The following UMAD1 variants were observed in gnomAD, a reference collection of about 807,000 sequenced individuals.
UMAD1 encodes the protein UBAP1-MVB12-associated (UMA)-domain containing protein 1.
Under a neutral mutation model 6.1 loss-of-function variants are expected in UMAD1, and 8 were observed. The observed-to-expected ratio is 1.30, with a 90% CI of 0.76 to 2.35. UMAD1 has a LOEUF of 2.35. Ranked by LOEUF, UMAD1 falls within the 30% of genes most tolerant of loss-of-function variation. The pLI, the probability that UMAD1 is intolerant of heterozygous loss-of-function variation, is 0.00. For synonymous variants in UMAD1, 56 were observed against 31.4 expected (o/e 1.78, Z -2.61); for missense variants, 130 against 78.4 (o/e 1.66, Z -2.49).
At chr7:7,659,922 T>G (rs900487919) in intron 1 of UMAD1, among the ~76,000 whole-genome samples, 13 of 152,196 alleles carry the variant, frequency 8.5e-5, no homozygotes, top group African/African-American at 3.1e-4. Flanking sequence ...CCCACTATTA[T>G]TGTGTTGGAG....
At chr7:7,779,814 T>G (rs1315569817) in intron 2 of UMAD1, among the ~76,000 whole-genome samples, 1 of 152,104 alleles carries the variant, frequency 6.6e-6, no homozygotes, top group African/African-American at 2.4e-5. Flanking sequence ...CTGGCTAATT[T>G]TTGTATTTTT....
At chr7:7,875,648 C>G (rs534136359) in intron 3 of UMAD1, among the ~76,000 whole-genome samples, 2 of 152,172 alleles carry the variant, frequency 1.3e-5, no homozygotes, top group Non-Finnish European at 2.9e-5. Context: ...AGGAAGAAGT[C>G]GAATCCCTGA....
intron 1 of UMAD1, among the ~76,000 whole-genome samples, chr7:7,653,659 G>T (rs28992776): frequency 6.6e-6 from 1 of 152,326 alleles, no homozygotes; most frequent in East Asian, 1.9e-4. Context: ...GAGTTCTCAG[G>T]TGAAGTCTGA....
At chr7:7,714,853 C>CTTTTTTTT (rs1029148023) in intron 2 of UMAD1, among the ~76,000 whole-genome samples, 4 of 111,162 alleles carry the variant, frequency 3.6e-5, no homozygotes, top group Admixed American at 9.0e-5. Flanking sequence ...AAAAATTTTT[C>CTTTTTTTT]TTTTTTTTTT....
At chr7:7,688,164 T>C (rs970675580) in intron 2 of UMAD1, among the ~76,000 whole-genome samples, 2 of 152,316 alleles carry the variant, frequency 1.3e-5, no homozygotes, top group African/African-American at 2.4e-5. Flanking sequence ...TTCCCTGCAT[T>C]ACATCAGATT....
At chr7:7,729,900 T>TTCAG (rs1781214308) in intron 2 of UMAD1, among the ~76,000 whole-genome samples, 3 of 152,230 alleles carry the variant, frequency 2.0e-5, no homozygotes, top group Admixed American at 2.0e-4. Context: ...TTCCCACTCG[T>TTCAG]TCACTGAATT....
chr7:7,695,196 C>G (rs1780280045), intron 2 of UMAD1, among the ~76,000 whole-genome samples: 1 of 152,100 alleles, frequency 6.6e-6, no homozygotes, highest in African/African-American at 2.4e-5. Context: ...TTTTGAGAAG[C>G]TCGCTGTTTC....
At chr7:7,724,500 A>G (rs1781105526) in intron 2 of UMAD1, among the ~76,000 whole-genome samples, 1 of 152,196 alleles carries the variant, frequency 6.6e-6, no homozygotes. Context: ...GCCTCTACCT[A>G]GAAAAATAGT....
chr7:7,800,605 C>G (rs1372741678), intron 2 of UMAD1, among the ~76,000 whole-genome samples: 1 of 152,158 alleles, frequency 6.6e-6, no homozygotes, highest in Non-Finnish European at 1.5e-5. Flanking sequence ...ACCCTTTCCC[C>G]TGAGTCCCCA....
chr7:7,813,526 A>G (rs964931542), intron 3 of UMAD1, among the ~76,000 whole-genome samples: 1 of 152,052 alleles, frequency 6.6e-6, no homozygotes, highest in African/African-American at 2.4e-5. Flanking sequence ...TTTTTATGCC[A>G]CTTGCAGAGG....
chr7:7,859,877 T>G (rs1441606990), intron 3 of UMAD1, among the ~76,000 whole-genome samples: 2 of 152,250 alleles, frequency 1.3e-5, no homozygotes, highest in African/African-American at 4.8e-5. Context: ...TGTATTTTCC[T>G]TTAAGAAATT....
At chr7:7,659,997 C>T (rs1785435077) in intron 1 of UMAD1, among the ~76,000 whole-genome samples, 1 of 152,164 alleles carries the variant, frequency 6.6e-6, no homozygotes, top group South Asian at 2.1e-4. Flanking sequence ...GTATTGGAGG[C>T]ATATATATTT....
chr7:7,845,985 C>T (rs139498522), intron 3 of UMAD1, among the ~76,000 whole-genome samples: 2,023 of 152,204 alleles, frequency 0.013, 41 homozygotes, highest in Admixed American at 0.04. Context: ...TTAACACTCT[C>T]TTTGCTAGTA....
intron 3 of UMAD1, among the ~76,000 whole-genome samples, chr7:7,853,368 A>T (rs1035643391): frequency 1.3e-5 from 2 of 152,150 alleles, no homozygotes; most frequent in African/African-American, 4.8e-5. Context: ...TGGGATTCTG[A>T]TAAGGATTGC....
At chr7:7,662,372 C>T (rs918076253) in intron 1 of UMAD1, among the ~76,000 whole-genome samples, 4 of 152,162 alleles carry the variant, frequency 2.6e-5, no homozygotes, top group African/African-American at 4.8e-5. Flanking sequence ...AAAGAAAACA[C>T]TCCTGCAGCT....
At chr7:7,719,862 T>C (rs1490654261) in intron 2 of UMAD1, among the ~76,000 whole-genome samples, 1 of 152,204 alleles carries the variant, frequency 6.6e-6, no homozygotes, top group Non-Finnish European at 1.5e-5. Flanking sequence ...AAACAAGAGA[T>C]GGTAAATCAG....
intron 1 of UMAD1, among the ~76,000 whole-genome samples, chr7:7,652,567 G>GTGCC (rs1243975435): frequency 6.6e-6 from 1 of 152,188 alleles, no homozygotes; most frequent in Non-Finnish European, 1.5e-5. Context: ...ACCTTGCTTT[G>GTGCC]TGCCCATTGA....
intron 2 of UMAD1, among the ~76,000 whole-genome samples, chr7:7,748,316 TTATAA>T (rs567996355): frequency 1.8e-3 from 273 of 152,226 alleles, no homozygotes; most frequent in African/African-American, 6.1e-3. Flanking sequence ...TGTCATAAAA[TTATAA>T]TATAATAATT....
chr7:7,745,860 C>T (rs1259233701), intron 2 of UMAD1, among the ~76,000 whole-genome samples: 1 of 152,106 alleles, frequency 6.6e-6, no homozygotes, highest in African/African-American at 2.4e-5. Flanking sequence ...ACATTGATTC[C>T]TTATTCTTGT....
Sources: gnomAD v4.1 joint callset for allele counts (sites outside exome capture counted in the v4.1 genomes callset) on GRCh38, gnomAD v4.1.1 for gene constraint, MANE v1.5 for transcripts, NCBI Gene and HGNC (gene_info 2026-07-23, HGNC 2026-07-21) for gene names.